NUGGC: variants seen among roughly 807,000 people sequenced by gnomAD.
The protein encoded by NUGGC is nuclear GTPase, germinal center associated, also known as nuclear GTPase SLIP-GC.
In NUGGC, 58 loss-of-function variants were observed where a neutral mutation model predicts 92.6. The observed-to-expected ratio is 0.63, with a 90% confidence interval of 0.51 to 0.78. The LOEUF (loss-of-function observed/expected upper bound fraction) is 0.78. NUGGC is among the 30% of genes least tolerant of loss of function. The pLI is 0.00. For missense variants in NUGGC, 925 were observed against 964.6 expected (o/e 0.96, Z 0.54); for synonymous variants, 376 against 366.4 (o/e 1.03, Z -0.30).
At chr8:28,059,970 G>A (rs138676314) in intron 8 of NUGGC, among the ~76,000 whole-genome samples, 199 of 152,012 alleles carry the variant, frequency 1.3e-3, no homozygotes, top group Middle Eastern at 6.8e-3. Context: ...GCAGTGAGCT[G>A]AGATCGTGCC....
At chr8:28,026,390 A>G (rs536519157) in intron 18 of NUGGC, among the ~76,000 whole-genome samples, 5 of 152,348 alleles carry the variant, frequency 3.3e-5, no homozygotes, top group African/African-American at 1.2e-4. Context: ...GATGGAGCCC[A>G]TGGCCTGAAA....
chr8:28,057,061 A>G (rs1378172550), intron 9 of NUGGC, among the ~76,000 whole-genome samples: 1 of 152,212 alleles, frequency 6.6e-6, no homozygotes, highest in East Asian at 1.9e-4. Flanking sequence ...CAGCCTGTTT[A>G]GAGCAATACC....
chr8:28,071,019 G>T (rs1810578753), intron 2 of NUGGC, among the ~76,000 whole-genome samples: 3 of 151,848 alleles, frequency 2.0e-5, no homozygotes, highest in Admixed American at 2.0e-4. Flanking sequence ...AATAGGAACT[G>T]CTTCCAGCTC....
At chr8:28,070,884 C>A (rs1266604587) in intron 2 of NUGGC, among the ~76,000 whole-genome samples, 1 of 151,468 alleles carries the variant, frequency 6.6e-6, no homozygotes. Context: ...CCTAGCTACT[C>A]AGGAGGCTGA....
chr8:28,042,506 A>G (rs1181786759), intron 12 of NUGGC, among the ~76,000 whole-genome samples: 1 of 152,112 alleles, frequency 6.6e-6, no homozygotes, highest in African/African-American at 2.4e-5. Context: ...TACTTCGGAG[A>G]CAAAGCTCAA....
At chr8:28,037,862 G>A (rs1479672767) in intron 13 of NUGGC, among the ~76,000 whole-genome samples, 11 of 148,682 alleles carry the variant, frequency 7.4e-5, no homozygotes. Flanking sequence ...CCAGCACCTA[G>A]GGGGTAGAGT....
intron 13 of NUGGC, among the ~76,000 whole-genome samples, chr8:28,035,510 G>A (rs1312560977): frequency 1.3e-5 from 2 of 151,976 alleles, no homozygotes; most frequent in African/African-American, 4.8e-5. Context: ...GGCCTCAGGC[G>A]GGGGCCTTAG....
At position 28,030,346 on chromosome 8, in the gene NUGGC, C is replaced by T; in HGVS notation, c.1981G>A (p.Ala661Thr). Residue 661 changes from alanine to threonine, a missense_variant, in exon 16 of 19, where the codon GCC becomes ACC. Physicochemically the swap from Ala to Thr is moderately conservative, Grantham distance 58 (BLOSUM62 0). Transcript: ENST00000413272. The part of the protein sequence containing the change: ...RKRRIYESLT[A>T]SVQSDLKLCY... ...AGCTTCAGGTCACTCTGGACAGAGG[C>T]AGTGAGGGACTCGTAGATCCTCCTC... 6.3e-7 allele frequency: 1 copy of T among 1,579,080 alleles called. No homozygotes were observed. The highest frequency in any genetic ancestry group is 8.6e-7 in the Non-Finnish European group (1 of 1,160,874).
chr8:28,065,997 A>T (rs555148512), intron 6 of NUGGC, among the ~76,000 whole-genome samples: 1 of 61,468 alleles, frequency 1.6e-5, no homozygotes, highest in Admixed American at 1.6e-4. Context: ...ATCGTTGTAG[A>T]AGGCCTTGAT....
intron 3 of NUGGC, 154 bp downstream of exon 3, chr8:28,070,098 A>T (rs1585599295): frequency 1.2e-5 from 12 of 984,754 alleles, no homozygotes; most frequent in Non-Finnish European, 1.4e-5. Context: ...GCCTAACTGC[A>T]TACCGCTACA....
intron 2 of NUGGC, among the ~76,000 whole-genome samples, chr8:28,073,338 A>G (rs1810637845): frequency 6.6e-6 from 1 of 151,660 alleles, no homozygotes; most frequent in South Asian, 2.1e-4. Flanking sequence ...TTCCAAGCAA[A>G]ACGATCCCAT....
chr8:28,026,403 G>A (rs553040367), intron 18 of NUGGC, among the ~76,000 whole-genome samples: 25 of 152,300 alleles, frequency 1.6e-4, no homozygotes, highest in Admixed American at 1.6e-3. Flanking sequence ...GCCTGAAAGG[G>A]ACATGGTTGC....
chr8:28,076,341 C>T (rs1161864678), intron 1 of NUGGC, among the ~76,000 whole-genome samples: 1 of 152,200 alleles, frequency 6.6e-6, no homozygotes, highest in African/African-American at 2.4e-5. Flanking sequence ...CTCTGTTGCC[C>T]AGGCTGGAAT....
intron 10 of NUGGC, among the ~76,000 whole-genome samples, chr8:28,054,021 G>T (rs1810071360): frequency 6.6e-6 from 1 of 152,172 alleles, no homozygotes; most frequent in South Asian, 2.1e-4. Flanking sequence ...GAAAGAAATT[G>T]AATATAGAGC....
Position 28,058,272 on chromosome 8 carries a change from T to C in NUGGC, c.1102A>G (p.Arg368Gly). 1 of 514,874 alleles carries C rather than the reference T, an allele frequency of 1.9e-6. No homozygotes were observed. Among genetic ancestry groups the C allele is most frequent in the Non-Finnish European group, 3.0e-6 (1 of 329,986 alleles). 31.9% of individuals were successfully genotyped at this position (514,874 alleles called of 1,614,324 possible). Residue 368 changes from arginine (R) to glycine (G), a missense_variant, in exon 9 of 19, where the codon AGA becomes GGA. By Grantham distance (125) the Arg-to-Gly change is moderately radical. Coordinates refer to ENST00000413272, the MANE Select transcript of NUGGC (RefSeq NM_001010906.2). ...TTCATACTTACATTTCCTGCCTTTC[T>C]TTCCCTGAAATGAAATTAGAAAAAT... is the stretch of plus-strand genomic sequence containing the variant. ...KLHLPEYLRE[R>G]KAGNQAIQSQ...
intron 13 of NUGGC, 107 bp from the exon 14 acceptor site, chr8:28,033,804 T>C: frequency 2.1e-6 from 2 of 954,392 alleles, no homozygotes; most frequent in South Asian, 1.4e-5. Context: ...CACAGGAAAG[T>C]GTAGAGACAA....
At chr8:28,080,090 T>G (rs1435625903) in intron 1 of NUGGC, among the ~76,000 whole-genome samples, 4 of 152,226 alleles carry the variant, frequency 2.6e-5, no homozygotes, top group Admixed American at 2.0e-4. Context: ...TACAGGCACC[T>G]GCCACCATGC....
At chr8:28,044,241 G>A (rs186570829) in intron 12 of NUGGC, among the ~76,000 whole-genome samples, 32 of 152,198 alleles carry the variant, frequency 2.1e-4, no homozygotes, top group South Asian at 4.2e-4. Context: ...TCCCTGTTCC[G>A]GCATAACAAG....
rs114371250 is a variant in NUGGC, at chr8:28,031,544, C to A, written c.1770-163G>T. Among the ~76,000 whole-genome samples the A allele has an allele frequency of 4.2e-3, 635 of 152,306 alleles. 2 individuals are homozygous for A. Among genetic ancestry groups the A allele is most frequent in the African/African-American group, 0.015 (608 of 41,560 alleles). On this transcript the variant is annotated intron_variant, in intron 14 of 18. Transcript: ENST00000413272. The stretch of plus-strand genomic sequence containing the variant: ...GTGCCAGGCACTGTGCTGTGCCAGA[C>A]CTTTGACATAAAAACCTATGAAGTT...
Sources: gnomAD v4.1 joint callset for allele counts (sites outside exome capture counted in the v4.1 genomes callset) on GRCh38, gnomAD v4.1.1 for gene constraint, MANE v1.5 for transcripts, NCBI Gene and HGNC (gene_info 2026-07-23, HGNC 2026-07-21) for gene names.